The following DCAF6 variants were observed in gnomAD, a reference collection of about 807,000 sequenced individuals.
DCAF6 encodes the protein DDB1 and CUL4 associated factor 6, also known as DDB1- and CUL4-associated factor 6.
Under a neutral mutation model 125.1 loss-of-function variants are expected in DCAF6, and 54 were observed. The ratio of observed to expected loss-of-function variants is 0.43; its 90% CI spans 0.35 to 0.54. DCAF6 has a LOEUF of 0.54. Among genes scored for constraint, DCAF6 ranks in the 20% least tolerant of loss-of-function variants. DCAF6 has a pLI of 0.01. For missense variants in DCAF6, 934 were observed against 1,161.7 expected, an observed-to-expected ratio of 0.80 and a Z score of 2.85; for synonymous variants, 371 against 390.4, an observed-to-expected ratio of 0.95 and a Z score of 0.58.
intron 1 of DCAF6, among the ~76,000 whole-genome samples, chr1:167,940,976 A>C (rs906447455): frequency 2.6e-5 from 4 of 152,294 alleles, no homozygotes; most frequent in Non-Finnish European, 5.9e-5. Flanking sequence ...GTCAGTATGT[A>C]CTGAAATGGA....
chr1:167,957,425 TG>T (rs1452084491), intron 2 of DCAF6, among the ~76,000 whole-genome samples: 2 of 152,292 alleles, frequency 1.3e-5, no homozygotes, highest in East Asian at 3.9e-4. Flanking sequence ...TTGTAGTATG[TG>T]TCAGTATTTC....
chr1:167,927,733 C>G, the DCAF6 span, among the ~76,000 whole-genome samples: 11 of 152,142 alleles, frequency 7.2e-5, no homozygotes, highest in African/African-American at 2.7e-4. Flanking sequence ...TACTAAACTG[C>G]CTAGAGCTAG....
the DCAF6 span, among the ~76,000 whole-genome samples, chr1:167,923,075 G>A: frequency 1.3e-5 from 2 of 152,174 alleles, no homozygotes; most frequent in Non-Finnish European, 2.9e-5. Context: ...TGTTGGTGAG[G>A]ATGTGGAGAA....
rs912495929 is a variant in DCAF6 at position 167,936,781 on chromosome 1, C to T, written c.-131C>T. ...CAGGCGCCGCTGCTGCCACCGCCAT[C>T]TAACGCTGCGCCCTGGAGGCCCGGC... On this transcript the variant is annotated 5_prime_UTR_variant, in exon 1 of 22. Coordinates refer to ENST00000367840, the MANE Select transcript of DCAF6 (RefSeq NM_001198956.2). 5.0e-6 allele frequency: 4 copies of T among 795,116 alleles called. No individual in the cohort carries two copies. Among genetic ancestry groups the T allele is most frequent in the African/African-American group, 1.8e-5 (1 of 56,512 alleles). 49.3% of individuals were successfully genotyped at this position (795,116 alleles called of 1,614,324 possible).
chr1:168,042,833 C>T, intron 13 of DCAF6, 192 bp from the exon 14 acceptor site: 1 of 440,416 alleles, frequency 2.3e-6, no homozygotes, highest in East Asian at 3.3e-5. Flanking sequence ...AATTTTTTTT[C>T]AAGAGTAAAG....
the DCAF6 span, chr1:167,902,096 A>G: frequency 3.8e-6 from 6 of 1,571,422 alleles, no homozygotes; most frequent in African/African-American, 5.4e-5. Context: ...CTGATTCCTT[A>G]AAGGTAGTAA....
intron 10 of DCAF6, among the ~76,000 whole-genome samples, chr1:168,005,820 AG>A (rs1217320342): frequency 3.9e-5 from 6 of 152,314 alleles, no homozygotes; most frequent in Non-Finnish European, 1.5e-5. Context: ...AGCCAGAGTC[AG>A]TTACATAACT....
At chr1:168,061,955 C>G (rs1447610428) in intron 17 of DCAF6, among the ~76,000 whole-genome samples, 2 of 152,044 alleles carry the variant, frequency 1.3e-5, no homozygotes, top group African/African-American at 4.8e-5. Flanking sequence ...ACAACATACA[C>G]AAATGTGGAT....
Position 168,023,019 on chromosome 1 carries a change from C to G in DCAF6, c.1581C>G (p.Leu527=). ...DSPSSVVNKQ[L]GSMSLDEQQD... ...CTTCTTCTGTGGTTAACAAACAGCTCGGATCCATGTCACTTGACGAGCAAC... is the reference window on the plus strand; with the variant it reads ...CTTCTTCTGTGGTTAACAAACAGCTGGGATCCATGTCACTTGACGAGCAAC... Residue 527 remains leucine (L), a synonymous_variant, in exon 12 of 22, where the codon CTC becomes CTG. Coordinates refer to ENST00000367840, the MANE Select transcript of DCAF6 (RefSeq NM_001198956.2). 1 of 1,614,162 alleles carries G rather than the reference C, an allele frequency of 6.2e-7. No homozygotes were observed. The highest frequency in any genetic ancestry group is 8.5e-7 in the Non-Finnish European group (1 of 1,180,026).
intron 1 of DCAF6, 61 bp downstream of exon 1, chr1:167,937,069 C>T (rs189703972): frequency 2.1e-6 from 3 of 1,418,036 alleles, no homozygotes; most frequent in Admixed American, 1.9e-5. Context: ...GGAGGGGGCA[C>T]GCTGCCGGGT....
intron 4 of DCAF6, among the ~76,000 whole-genome samples, chr1:167,975,830 G>C (rs1678066621): frequency 6.6e-6 from 1 of 152,144 alleles, no homozygotes; most frequent in Non-Finnish European, 1.5e-5. Context: ...CAAGGTTATA[G>C]ATGTGAGCCA....
intron 12 of DCAF6, among the ~76,000 whole-genome samples, chr1:168,028,578 A>C (rs925693937): frequency 2.0e-5 from 3 of 152,190 alleles, no homozygotes; most frequent in Admixed American, 2.0e-4. Context: ...TTAATTTTCC[A>C]CTATGTATCA....
Position 168,063,763 on chromosome 1 carries a change from C to G in DCAF6, c.2439+4C>G, listed in dbSNP as rs1292639306. On this transcript the variant is annotated splice_donor_region_variant and intron_variant, in intron 18 of 21. Coordinates refer to ENST00000367840, the MANE Select transcript of DCAF6 (RefSeq NM_001198956.2). Reference sequence around the variant, plus strand: ...CCATCGCAACTCCAGGACAATGGTACCAAATGTTCATGGCATTTTTTGGTG... The same window carrying G: ...CCATCGCAACTCCAGGACAATGGTAGCAAATGTTCATGGCATTTTTTGGTG... The G allele has an allele frequency of 1.3e-6, 2 of 1,594,888 alleles. No individual in the cohort carries two copies. Among genetic ancestry groups the G allele is most frequent in the Admixed American group, 3.6e-5 (2 of 55,742 alleles).
chr1:167,919,023 A>G, the DCAF6 span, among the ~76,000 whole-genome samples: 1 of 152,220 alleles, frequency 6.6e-6, no homozygotes, highest in Admixed American at 6.5e-5. Flanking sequence ...AAAATTTAGT[A>G]AAATGTGGTC....
In DCAF6 at chr1:168,045,081, T is replaced by A. The variant is rs1463287841; in HGVS notation, c.2112T>A (p.Pro704=). Residue 704 remains proline, a synonymous_variant, in exon 16 of 22, where the codon CCT becomes CCA. Transcript: ENST00000367840. The part of the protein sequence containing the change: ...ESATNENNTN[P]EPQFQTEATG... ...CTACCAATGAAAATAACACCAATCC[T>A]GAGCCTCAGTTCCAAACAGAAGCCA... 1 of 1,613,922 alleles carries A rather than the reference T, an allele frequency of 6.2e-7. No homozygotes were observed. Among genetic ancestry groups the A allele is most frequent in the Non-Finnish European group, 8.5e-7 (1 of 1,179,960 alleles).
chr1:167,955,086 ATGT>A (rs1674574982), intron 2 of DCAF6, among the ~76,000 whole-genome samples: 2 of 152,192 alleles, frequency 1.3e-5, no homozygotes, highest in South Asian at 2.1e-4. Flanking sequence ...TTTGGGATTC[ATGT>A]TGTTGAGTGT....
At chr1:167,910,965 CCTA>C in the DCAF6 span, among the ~76,000 whole-genome samples, 1 of 152,072 alleles carries the variant, frequency 6.6e-6, no homozygotes, top group Non-Finnish European at 1.5e-5. Flanking sequence ...TTCTAGCAGC[CCTA>C]CTATCAGCCC....
At chr1:167,935,892 T>C, upstream of DCAF6, 1 of 1,399,766 alleles carries the variant, frequency 7.1e-7, no homozygotes, top group Non-Finnish European at 9.9e-7. Context: ...TGTGTTCTCG[T>C]CCCTGGCTGA....
chr1:167,985,907 A>G (rs1679937271), intron 4 of DCAF6, among the ~76,000 whole-genome samples: 1 of 152,166 alleles, frequency 6.6e-6, no homozygotes, highest in African/African-American at 2.4e-5. Context: ...ACTGCTTTCT[A>G]GGCTCTTAAA....
Sources: allele counts gnomAD v4.1 joint callset (sites outside exome capture counted in the v4.1 genomes callset), GRCh38; gene constraint gnomAD v4.1.1; transcripts MANE v1.5; gene names NCBI Gene and HGNC (gene_info 2026-07-23, HGNC 2026-07-21).